The following MAN1A1 variants were observed in gnomAD, a reference collection of about 807,000 sequenced individuals.
MAN1A1 encodes the protein mannosyl-oligosaccharide 1,2-alpha-mannosidase IA.
MAN1A1 carries 29 observed loss-of-function variants against 70.8 expected under a neutral mutation model. The observed-to-expected ratio is 0.41, with a 90% confidence interval of 0.31 to 0.56. The LOEUF (loss-of-function observed/expected upper bound fraction) is 0.56. MAN1A1 is among the 20% of genes least tolerant of loss of function. MAN1A1 has a pLI of 0.29. For synonymous variants in MAN1A1, 349 were observed against 330.1 expected, an observed-to-expected ratio of 1.06 and a Z score of -0.62; for missense variants, 747 against 841.3, an observed-to-expected ratio of 0.89 and a Z score of 1.39.
At chr6:119,250,080 A>AG (rs940160289) in intron 5 of MAN1A1, among the ~76,000 whole-genome samples, 2 of 152,136 alleles carry the variant, frequency 1.3e-5, no homozygotes, top group Non-Finnish European at 2.9e-5. Flanking sequence ...TATGGAGAGG[A>AG]GAAAAAAAAG....
intron 2 of MAN1A1, among the ~76,000 whole-genome samples, chr6:119,338,657 A>G (rs915342229): frequency 1.3e-5 from 2 of 152,220 alleles, no homozygotes; most frequent in Admixed American, 6.5e-5. Flanking sequence ...AAAAGGAGAA[A>G]GATCCTTCCG....
chr6:119,348,373 A>G (rs1773793358), intron 2 of MAN1A1, 90 bp downstream of exon 2: 1 of 1,281,858 alleles, frequency 7.8e-7, no homozygotes, highest in Admixed American at 2.3e-5. Context: ...CATACATTGC[A>G]TTGTTGCAGT....
In MAN1A1 at chr6:119,204,809, C is replaced by T. The variant is rs1562190996; in HGVS notation, c.1066G>A (p.Glu356Lys). 6.2e-7 allele frequency: 1 copy of T among 1,613,984 alleles called. No individual in the cohort carries two copies. ...ILAEFGTLHL[E>K]FMHLSHLSGN... is the part of the protein sequence containing the mutation. ...GATAAGTGGCTCAAGTGCATAAACTCCAAATGCAGGGTTCCAAATTCTGCC... is the reference window on the plus strand; with the variant it reads ...GATAAGTGGCTCAAGTGCATAAACTTCAAATGCAGGGTTCCAAATTCTGCC... The change falls in exon 7 of 13, where the codon GAG (glutamate) becomes AAG (lysine). Residue 356 changes from glutamate (E) to lysine (K), a missense_variant. Glu to Lys is a moderately conservative substitution (Grantham distance 56). Coordinates refer to ENST00000368468, the MANE Select transcript of MAN1A1 (RefSeq NM_005907.4).
chr6:119,297,158 G>C (rs948044677), intron 4 of MAN1A1, among the ~76,000 whole-genome samples: 3 of 152,148 alleles, frequency 2.0e-5, no homozygotes, highest in Non-Finnish European at 2.9e-5. Context: ...TTGTTCTTAT[G>C]CAACTGATCT....
intron 6 of MAN1A1, among the ~76,000 whole-genome samples, chr6:119,207,247 C>T (rs1031185493): frequency 1.3e-5 from 2 of 151,974 alleles, no homozygotes; most frequent in African/African-American, 2.4e-5. Context: ...TGTCACCACC[C>T]CCCCAACCCC....
intron 6 of MAN1A1, among the ~76,000 whole-genome samples, chr6:119,209,557 A>G (rs1487776406): frequency 1.3e-5 from 2 of 152,254 alleles, no homozygotes; most frequent in Non-Finnish European, 2.9e-5. Flanking sequence ...AAAAGAGCAG[A>G]TAATCCAACA....
intron 6 of MAN1A1, among the ~76,000 whole-genome samples, chr6:119,246,432 T>C (rs1297897119): frequency 6.6e-6 from 1 of 152,184 alleles, no homozygotes; most frequent in African/African-American, 2.4e-5. Context: ...CATCGGAATC[T>C]GAAAGTGGTC....
chr6:119,343,130 T>C (rs1236298768), intron 2 of MAN1A1, among the ~76,000 whole-genome samples: 1 of 151,694 alleles, frequency 6.6e-6, no homozygotes, highest in Admixed American at 6.6e-5. Context: ...TGATCCATCG[T>C]TGGCTGAAAA....
At chr6:119,316,948 A>C (rs187524909) in intron 2 of MAN1A1, among the ~76,000 whole-genome samples, 2,199 of 146,788 alleles carry the variant, frequency 0.015, 28 homozygotes, top group Non-Finnish European at 0.023. Context: ...TATTATTATT[A>C]TTCTTTTTTT....
intron 6 of MAN1A1, among the ~76,000 whole-genome samples, chr6:119,209,770 G>C (rs1562193380): frequency 6.6e-6 from 1 of 152,116 alleles, no homozygotes; most frequent in South Asian, 2.1e-4. Context: ...CTAAGACCTG[G>C]AATAACAATT....
At position 119,228,048 on chromosome 6, in the gene MAN1A1, C is replaced by T. The variant is rs973054468; in HGVS notation, c.992+20212G>A. ...AGTATTTACTGGAGAGAAAAAGAGACAAGAAACAAAACATTTTATATCCTA... is the reference window on the plus strand; with the variant it reads ...AGTATTTACTGGAGAGAAAAAGAGATAAGAAACAAAACATTTTATATCCTA... On this transcript the variant is annotated intron_variant, in intron 6 of 12. Transcript: ENST00000368468. Among the ~76,000 whole-genome samples, 10 of 152,026 alleles carry T rather than the reference C, an allele frequency of 6.6e-5. No individual in the cohort carries two copies. The South Asian group carries it at 8.3e-4, about 13-fold the overall frequency.
At chr6:119,278,681 G>A (rs1440718096) in intron 5 of MAN1A1, among the ~76,000 whole-genome samples, 1 of 151,906 alleles carries the variant, frequency 6.6e-6, no homozygotes, top group Non-Finnish European at 1.5e-5. Flanking sequence ...TTGGAAGGTG[G>A]GGCCTAGTAG....
At chr6:119,214,694 C>T (rs987024597) in intron 6 of MAN1A1, among the ~76,000 whole-genome samples, 1 of 151,906 alleles carries the variant, frequency 6.6e-6, no homozygotes. Flanking sequence ...TTGGTATAGA[C>T]GGGGTTTCAC....
At chr6:119,310,715 A>G (rs548622719) in intron 2 of MAN1A1, among the ~76,000 whole-genome samples, 3 of 152,332 alleles carry the variant, frequency 2.0e-5, no homozygotes, top group African/African-American at 7.2e-5. Flanking sequence ...GAAGCAGTAA[A>G]AGCCATGAGA....
At chr6:119,326,243 T>G (rs1323474370) in intron 2 of MAN1A1, among the ~76,000 whole-genome samples, 5 of 152,212 alleles carry the variant, frequency 3.3e-5, no homozygotes, top group African/African-American at 1.2e-4. Context: ...GCAGCTTAAC[T>G]CTTTCTCTCT....
In MAN1A1 at chr6:119,177,806, TAC is replaced by T. The variant is rs1484192323; in HGVS notation, c.*2011_*2012del. ...CCAAGGTACCTCATAGTGCAGTGTG[TAC>T]ACACAACCTGATTTTAATATTCTAT... On this transcript the variant is annotated 3_prime_UTR_variant, in exon 13 of 13. Transcript: ENST00000368468. The T allele has an allele frequency of 6.6e-6, 1 of 152,086 alleles. No individual in the cohort carries two copies. The highest frequency in any genetic ancestry group is 2.4e-5 in the African/African-American group (1 of 41,444). 9.4% of individuals were successfully genotyped at this position (152,086 alleles called of 1,614,324 possible).
At chr6:119,237,843 C>G (rs377593573) in intron 6 of MAN1A1, among the ~76,000 whole-genome samples, 10 of 152,070 alleles carry the variant, frequency 6.6e-5, no homozygotes, top group African/African-American at 2.4e-4. Flanking sequence ...GGGTAGCATG[C>G]TACATTTTTT....
rs1773092571 is a variant in MAN1A1, at chr6:119,179,556, C to A, written c.*263G>T. 2 of 248,112 alleles carry A rather than the reference C, an allele frequency of 8.1e-6. No homozygotes were observed. The highest frequency in any genetic ancestry group is 7.8e-5 in the East Asian group (1 of 12,872). 15.4% of individuals were successfully genotyped at this position (248,112 alleles called of 1,614,324 possible). On this transcript the variant is annotated 3_prime_UTR_variant, in exon 13 of 13. Transcript: ENST00000368468. ...TCAGTTTAACAAAAACGATATTACACCTTCATGAAATCCAGAGATAATAGG... is the reference window on the plus strand; with the variant it reads ...TCAGTTTAACAAAAACGATATTACAACTTCATGAAATCCAGAGATAATAGG...
In MAN1A1 at chr6:119,234,766, A is replaced by G. The variant is rs1774793572; in HGVS notation, c.992+13494T>C. On this transcript the variant is annotated intron_variant, in intron 6 of 12. Transcript: ENST00000368468. ...ACATTTAAAAAATTTACATACGGGG[A>G]TACCTCATTTTACTGCACTTTGCTT... 2.0e-5 allele frequency among the ~76,000 whole-genome samples: 3 copies of G among 152,108 alleles called. No homozygotes were observed. In the South Asian group the frequency reaches 6.2e-4, roughly 32 times the overall value.
Sources: allele counts gnomAD v4.1 joint callset (sites outside exome capture counted in the v4.1 genomes callset), GRCh38; gene constraint gnomAD v4.1.1; transcripts MANE v1.5; gene names NCBI Gene and HGNC (gene_info 2026-07-23, HGNC 2026-07-21).